FILIP1L: variants seen among roughly 807,000 people sequenced by gnomAD.
The protein encoded by FILIP1L is filamin A interacting protein 1 like, also known as filamin A-interacting protein 1-like.
In FILIP1L, 55 loss-of-function variants were observed where a neutral mutation model predicts 96.6. The observed-to-expected ratio is 0.57, with a 90% CI of 0.46 to 0.71. The LOEUF (loss-of-function observed/expected upper bound fraction) is 0.71. FILIP1L is among the 30% of genes least tolerant of loss of function. The probability of loss-of-function intolerance (pLI) is 0.00; values close to 1 mark genes in which losing one functional copy is unlikely to be tolerated. For synonymous variants in FILIP1L, 467 were observed against 473.9 expected (o/e 0.99, Z 0.19); for missense variants, 1,304 against 1,321.2 (o/e 0.99, Z 0.20).
chr3:100,106,461 G>T (rs1322716647), intron 1 of FILIP1L, among the ~76,000 whole-genome samples: 1 of 152,092 alleles, frequency 6.6e-6, no homozygotes, highest in Non-Finnish European at 1.5e-5. Flanking sequence ...CAGAAATGAG[G>T]GTAATGGTGG....
chr3:100,078,712 G>A (rs550651830), intron 1 of FILIP1L, among the ~76,000 whole-genome samples: 13 of 152,138 alleles, frequency 8.5e-5, no homozygotes, highest in South Asian at 6.2e-4. Flanking sequence ...CCAACACGGC[G>A]AAACCCCATC....
At chr3:99,876,974 CA>C (rs777952153) in intron 4 of FILIP1L, among the ~76,000 whole-genome samples, 15 of 151,960 alleles carry the variant, frequency 9.9e-5, no homozygotes, top group Non-Finnish European at 2.1e-4. Context: ...TACCGGCAAA[CA>C]AAATAAAGCC....
Position 100,095,875 on chromosome 3 carries a change from A to C in FILIP1L, c.-11+18178T>G, listed in dbSNP as rs544781303. Among the ~76,000 whole-genome samples the C allele has an allele frequency of 2.0e-5, 3 of 152,334 alleles. No homozygotes were observed. The South Asian group carries it at 6.2e-4, about 32-fold the overall frequency. ...AAAATATTTGCAAACTACCCATCTG[A>C]CAAGAGATTAATAACTGCAGTATAT... On this transcript the variant is annotated intron_variant, in intron 1 of 5. Coordinates refer to ENST00000477258, the MANE Select transcript of FILIP1L (RefSeq NM_001387850.1).
At chr3:100,051,852 A>G (rs71313585) in intron 1 of FILIP1L, among the ~76,000 whole-genome samples, 27,410 of 148,422 alleles carry the variant, frequency 0.18, 2,870 homozygotes, top group South Asian at 0.25. Context: ...TATATTTTTT[A>G]TAGTATAAGT....
intron 1 of FILIP1L, among the ~76,000 whole-genome samples, chr3:100,008,492 C>A (rs548755149): frequency 6.6e-6 from 1 of 152,222 alleles, no homozygotes; most frequent in South Asian, 2.1e-4. Flanking sequence ...TCCAGGACTT[C>A]TAGAGATTAG....
At chr3:100,077,124 T>C (rs1243964830) in intron 1 of FILIP1L, among the ~76,000 whole-genome samples, 1 of 152,214 alleles carries the variant, frequency 6.6e-6, no homozygotes, top group African/African-American at 2.4e-5. Context: ...TAGCGTCCTT[T>C]GAAAGAAGAG....
chr3:99,858,082 C>A (rs549659519), intron 4 of FILIP1L, among the ~76,000 whole-genome samples: 1 of 152,082 alleles, frequency 6.6e-6, no homozygotes, highest in Admixed American at 6.6e-5. Context: ...CCTTTACACT[C>A]AAAAAATTTT....
At chr3:99,851,188 TAC>T in intron 4 of FILIP1L, 118 bp from the exon 5 acceptor site, 1 of 795,380 alleles carries the variant, frequency 1.3e-6, no homozygotes, top group Non-Finnish European at 1.9e-6. Flanking sequence ...TCAGTTCATA[TAC>T]AATATGCAAA....
At chr3:99,859,357 TATG>T in intron 4 of FILIP1L, among the ~76,000 whole-genome samples, 1 of 152,366 alleles carries the variant, frequency 6.6e-6, no homozygotes, top group African/African-American at 2.4e-5. Context: ...AACCAAATAG[TATG>T]ATGATACCAA....
intron 4 of FILIP1L, among the ~76,000 whole-genome samples, chr3:99,855,300 G>A (rs972728970): frequency 3.8e-4 from 58 of 152,148 alleles, no homozygotes; most frequent in African/African-American, 1.2e-3. Flanking sequence ...TGGTGGGTCA[G>A]TAGCTACATT....
intron 1 of FILIP1L, among the ~76,000 whole-genome samples, chr3:100,008,199 C>G (rs1004797736): frequency 6.6e-6 from 1 of 152,106 alleles, no homozygotes; most frequent in Non-Finnish European, 1.5e-5. Context: ...AAGGAAGGAG[C>G]CTTTCCATAA....
At chr3:100,066,275 G>A (rs1267450463) in intron 1 of FILIP1L, among the ~76,000 whole-genome samples, 1 of 152,130 alleles carries the variant, frequency 6.6e-6, no homozygotes, top group East Asian at 1.9e-4. Flanking sequence ...ATTTTAATGA[G>A]AGTCAATCAC....
chr3:100,032,898 C>G (rs1221140319), intron 1 of FILIP1L, among the ~76,000 whole-genome samples: 1 of 152,088 alleles, frequency 6.6e-6, no homozygotes, highest in Non-Finnish European at 1.5e-5. Flanking sequence ...CATTTATTCC[C>G]TGCAACAAGC....
intron 4 of FILIP1L, among the ~76,000 whole-genome samples, chr3:99,902,975 G>A (rs921500207): frequency 6.6e-6 from 1 of 152,146 alleles, no homozygotes; most frequent in Non-Finnish European, 1.5e-5. Flanking sequence ...CCTAAACCTA[G>A]AACTGTTAGA....
chr3:100,074,675 A>ATTTTTTTTTTTTTTTTTTTTTTT lies in FILIP1L; in HGVS notation c.-11+39355_-11+39377dup, dbSNP rs555819875. On this transcript the variant is annotated intron_variant, in intron 1 of 5. Coordinates refer to ENST00000477258, the MANE Select transcript of FILIP1L (RefSeq NM_001387850.1). ...ATTTTCTATGCATGTGCAACATTTG[A>ATTTTTTTTTTTTTTTTTTTTTTT]TTTTTTTTTTTTTTTTTTTTTTTTT... Among the ~76,000 whole-genome samples, 41 of 34,800 alleles carry ATTTTTTTTTTTTTTTTTTTTTTT rather than the reference A, an allele frequency of 1.2e-3. 17 individuals carry two copies. The highest frequency in any genetic ancestry group is 2.4e-3 in the Admixed American group (5 of 2,080). 22.8% of individuals were successfully genotyped at this position (34,800 alleles called of 152,430 possible).
chr3:99,967,182 G>A (rs1460483779), intron 1 of FILIP1L, among the ~76,000 whole-genome samples: 2 of 152,218 alleles, frequency 1.3e-5, no homozygotes, highest in Non-Finnish European at 2.9e-5. Flanking sequence ...CTCTTGGAAT[G>A]TGTTCTTGGC....
chr3:100,074,767 C>T (rs1325307563), intron 1 of FILIP1L, among the ~76,000 whole-genome samples: 2 of 129,348 alleles, frequency 1.5e-5, no homozygotes, highest in East Asian at 5.1e-4. Flanking sequence ...GATCTTGGCT[C>T]ACTGCAACCT....
intron 1 of FILIP1L, among the ~76,000 whole-genome samples, chr3:99,985,171 T>C (rs913719235): frequency 1.4e-4 from 22 of 152,050 alleles, no homozygotes; most frequent in African/African-American, 5.3e-4. Context: ...AAAATCATCC[T>C]AGGGGGTCAA....
At chr3:99,971,694 T>G (rs1227174923) in intron 1 of FILIP1L, among the ~76,000 whole-genome samples, 1 of 152,162 alleles carries the variant, frequency 6.6e-6, no homozygotes, top group African/African-American at 2.4e-5. Context: ...GACCTCACAC[T>G]GTGGACTCAC....
Sources: gnomAD v4.1 joint callset for allele counts (sites outside exome capture counted in the v4.1 genomes callset) on GRCh38, gnomAD v4.1.1 for gene constraint, MANE v1.5 for transcripts, NCBI Gene and HGNC (gene_info 2026-07-23, HGNC 2026-07-21) for gene names.